The following TRPM3 variants were observed in gnomAD, a reference collection of about 807,000 sequenced individuals.
TRPM3 encodes transient receptor potential cation channel subfamily M member 3.
TRPM3 carries 77 observed loss-of-function variants against 181.2 expected under a neutral mutation model. The observed-to-expected ratio is 0.42, with a 90% CI of 0.35 to 0.51. The LOEUF is 0.51. Among genes scored for constraint, TRPM3 ranks in the 20% least tolerant of loss-of-function variants. The probability of loss-of-function intolerance (pLI) is 0.01; values close to 1 mark genes in which losing one functional copy is unlikely to be tolerated. For synonymous variants in TRPM3, 745 were observed against 796.4 expected, an observed-to-expected ratio of 0.94 and a Z score of 1.09; for missense variants, 1,759 against 2,196.7, an observed-to-expected ratio of 0.80 and a Z score of 3.98.
At chr9:71,313,301 T>C (rs1306713730) in intron 1 of TRPM3, among the ~76,000 whole-genome samples, 1 of 152,206 alleles carries the variant, frequency 6.6e-6, no homozygotes, top group Non-Finnish European at 1.5e-5. Context: ...CATTGCTCAC[T>C]GATACGGATA....
At chr9:71,198,228 A>T (rs989245279) in intron 1 of TRPM3, among the ~76,000 whole-genome samples, 8 of 152,004 alleles carry the variant, frequency 5.3e-5, no homozygotes, top group African/African-American at 1.2e-4. Context: ...TCCATTGATC[A>T]ATATATCTGT....
chr9:71,264,348 T>C (rs2083250798), intron 1 of TRPM3, among the ~76,000 whole-genome samples: 1 of 152,118 alleles, frequency 6.6e-6, no homozygotes, highest in African/African-American at 2.4e-5. Context: ...CTGTACTATC[T>C]GATGTAAGTA....
intron 1 of TRPM3, among the ~76,000 whole-genome samples, chr9:71,076,603 A>G (rs1014637621): frequency 1.3e-5 from 2 of 152,166 alleles, no homozygotes; most frequent in African/African-American, 4.8e-5. Flanking sequence ...ACAAGATTGT[A>G]CCTTTCCCTG....
chr9:70,627,709 G>C (rs934390135), intron 12 of TRPM3, among the ~76,000 whole-genome samples: 1 of 152,158 alleles, frequency 6.6e-6, no homozygotes, highest in Non-Finnish European at 1.5e-5. Flanking sequence ...AAATGGGGCT[G>C]TGTGAAGGGC....
At chr9:71,421,482 C>T (rs909019348) in intron 1 of TRPM3, among the ~76,000 whole-genome samples, 4 of 151,866 alleles carry the variant, frequency 2.6e-5, no homozygotes, top group Non-Finnish European at 5.9e-5. Context: ...GAAAATGTTC[C>T]TGCCTAGAGA....
intron 5 of TRPM3, among the ~76,000 whole-genome samples, chr9:70,829,438 GA>G (rs1468826760): frequency 6.6e-6 from 1 of 151,544 alleles, no homozygotes; most frequent in Non-Finnish European, 1.5e-5. Context: ...GTTCAACATT[GA>G]AAAAAAATCC....
intron 1 of TRPM3, among the ~76,000 whole-genome samples, chr9:71,191,813 G>T (rs1229208346): frequency 8.6e-6 from 1 of 115,862 alleles, no homozygotes; most frequent in African/African-American, 3.0e-5. Flanking sequence ...AAATCACATC[G>T]TCAAGGATCA....
At chr9:70,801,115 CT>C (rs1439568979) in intron 6 of TRPM3, among the ~76,000 whole-genome samples, 1 of 152,138 alleles carries the variant, frequency 6.6e-6, no homozygotes, top group African/African-American at 2.4e-5. Context: ...AATAATTACT[CT>C]GGGATGAAAG....
At chr9:71,109,537 TATTTTTATTA>T (rs2070563054) in intron 1 of TRPM3, among the ~76,000 whole-genome samples, 5 of 152,186 alleles carry the variant, frequency 3.3e-5, no homozygotes, top group Non-Finnish European at 7.3e-5. Context: ...TACAAAACAG[TATTTTTATTA>T]TTTCAATTTA....
At chr9:71,246,167 A>G (rs2131992323) in intron 1 of TRPM3, among the ~76,000 whole-genome samples, 1 of 152,342 alleles carries the variant, frequency 6.6e-6, no homozygotes, top group South Asian at 2.1e-4. Flanking sequence ...TAATGGGTAC[A>G]AAAGCAATTC....
intron 9 of TRPM3, among the ~76,000 whole-genome samples, chr9:70,645,962 C>G (rs1297188553): frequency 6.6e-6 from 1 of 152,016 alleles, no homozygotes; most frequent in Non-Finnish European, 1.5e-5. Context: ...ATGCAGCCAA[C>G]AAACATATGA....
At chr9:70,917,369 C>T (rs965328184) in intron 1 of TRPM3, 7 of 954,538 alleles carry the variant, frequency 7.3e-6, no homozygotes, top group Non-Finnish European at 1.0e-5. Context: ...GAGTGAAAGG[C>T]CTTCAACCAC....
At chr9:71,380,055 A>G (rs1177793156) in intron 1 of TRPM3, among the ~76,000 whole-genome samples, 1 of 152,048 alleles carries the variant, frequency 6.6e-6, no homozygotes, top group African/African-American at 2.4e-5. Context: ...TGTTTTTCCA[A>G]GAGTGTGTAT....
At chr9:70,985,207 G>A (rs966416399) in intron 1 of TRPM3, among the ~76,000 whole-genome samples, 1 of 152,218 alleles carries the variant, frequency 6.6e-6, no homozygotes, top group Non-Finnish European at 1.5e-5. Flanking sequence ...CCAGAGGTAA[G>A]CCTGAGACCC....
intron 7 of TRPM3, among the ~76,000 whole-genome samples, chr9:70,761,952 A>G (rs62544538): frequency 0.048 from 7,297 of 152,256 alleles, 229 homozygotes; most frequent in South Asian, 0.11. Context: ...ATTGATTTAC[A>G]TATTTTAATT....
At chr9:70,681,100 TTAAGG>T (rs2065315336) in intron 9 of TRPM3, among the ~76,000 whole-genome samples, 1 of 152,032 alleles carries the variant, frequency 6.6e-6, no homozygotes, top group South Asian at 2.1e-4. Flanking sequence ...ATTGTGTGTG[TTAAGG>T]TATTTATTAT....
intron 12 of TRPM3, among the ~76,000 whole-genome samples, chr9:70,632,851 T>C (rs2133422200): frequency 6.6e-6 from 1 of 152,360 alleles, no homozygotes; most frequent in Middle Eastern, 3.4e-3. Context: ...ACCTTAGAGA[T>C]ACTTTACATG....
chr9:70,957,411 C>T (rs777580623), intron 1 of TRPM3, among the ~76,000 whole-genome samples: 3 of 152,120 alleles, frequency 2.0e-5, no homozygotes, highest in Admixed American at 2.0e-4. Context: ...CCCACTGCTC[C>T]GGGTACTATC....
chr9:71,383,589 G>A (rs1212829308), intron 1 of TRPM3, among the ~76,000 whole-genome samples: 1 of 152,112 alleles, frequency 6.6e-6, no homozygotes, highest in Admixed American at 6.6e-5. Flanking sequence ...TCAGGTTCTG[G>A]GACTGCCTCC....
Sources: gnomAD v4.1 joint callset for allele counts (sites outside exome capture counted in the v4.1 genomes callset) on GRCh38, gnomAD v4.1.1 for gene constraint, MANE v1.5 for transcripts, NCBI Gene and HGNC (gene_info 2026-07-23, HGNC 2026-07-21) for gene names.